ERG: variants seen among roughly 807,000 people sequenced by gnomAD.
ERG encodes transcriptional regulator ERG.
In ERG, 9 loss-of-function variants were observed where a neutral mutation model predicts 55.3. The ratio of observed to expected loss-of-function variants is 0.16; its 90% CI spans 0.10 to 0.28. The LOEUF (loss-of-function observed/expected upper bound fraction) is 0.28, where lower values mean the gene tolerates loss of function less well. Among genes scored for constraint, ERG ranks in the 10% least tolerant of loss-of-function variants. The probability of loss-of-function intolerance (pLI) is 1.00; values close to 1 mark genes in which losing one functional copy is unlikely to be tolerated. For missense variants in ERG, 434 were observed against 631.6 expected (o/e 0.69, Z 3.35); for synonymous variants, 223 against 237.3 (o/e 0.94, Z 0.55).
chr21:38,417,099 C>T (rs1989314231), intron 3 of ERG, among the ~76,000 whole-genome samples: 1 of 152,226 alleles, frequency 6.6e-6, no homozygotes, highest in South Asian at 2.1e-4. Flanking sequence ...ATGGGTGGGT[C>T]TTAGCTACTT....
chr21:38,444,957 T>G (rs2058876187), intron 2 of ERG, among the ~76,000 whole-genome samples: 1 of 151,964 alleles, frequency 6.6e-6, no homozygotes. Context: ...TGGGCAAGGC[T>G]CCCCTCCCAC....
intron 5 of ERG, among the ~76,000 whole-genome samples, chr21:38,401,331 C>T (rs1411424860): frequency 6.6e-6 from 1 of 152,160 alleles, no homozygotes; most frequent in Non-Finnish European, 1.5e-5. Context: ...ATGTGCATAG[C>T]TCAAAGGTGT....
At chr21:38,438,154 A>T (rs7283535) in intron 2 of ERG, among the ~76,000 whole-genome samples, 4 of 152,120 alleles carry the variant, frequency 2.6e-5, no homozygotes, top group Non-Finnish European at 5.9e-5. Flanking sequence ...AATCACGGGC[A>T]TTCTCCCTCA....
chr21:38,471,413 T>C (rs2059138077), intron 1 of ERG: 1 of 152,210 alleles, frequency 6.6e-6, no homozygotes. Context: ...AATTCAACCT[T>C]CTGTTGAGAA....
chr21:38,600,147 T>C (rs1045598403), intron 1 of ERG, among the ~76,000 whole-genome samples: 1 of 152,096 alleles, frequency 6.6e-6, no homozygotes, highest in African/African-American at 2.4e-5. Flanking sequence ...AGTCTACAGA[T>C]ACAAGGAGAT....
chr21:38,550,896 A>C (rs139565413), intron 2 of ERG, among the ~76,000 whole-genome samples: 1 of 152,370 alleles, frequency 6.6e-6, no homozygotes, highest in Non-Finnish European at 1.5e-5. Context: ...TTGACAGACG[A>C]TTAATGGATT....
chr21:38,370,992 A>T, the ERG span, among the ~76,000 whole-genome samples: 2 of 151,322 alleles, frequency 1.3e-5, no homozygotes, highest in Non-Finnish European at 3.0e-5. Flanking sequence ...GGGTTTCTAG[A>T]TTATCTTGCA....
At chr21:38,577,352 G>C (rs989096931) in intron 1 of ERG, among the ~76,000 whole-genome samples, 1 of 152,108 alleles carries the variant, frequency 6.6e-6, no homozygotes, top group Non-Finnish European at 1.5e-5. Context: ...CAAGATTGGC[G>C]GAGCTTGGCT....
intron 1 of ERG, chr21:38,470,793 T>C (rs2059132292): frequency 6.6e-6 from 1 of 152,234 alleles, no homozygotes; most frequent in Admixed American, 6.5e-5. Flanking sequence ...AAGAGTCTAT[T>C]AACATTGTCA....
chr21:38,437,939 C>T (rs779927916), intron 2 of ERG, among the ~76,000 whole-genome samples: 2 of 152,200 alleles, frequency 1.3e-5, no homozygotes, highest in Non-Finnish European at 2.9e-5. Flanking sequence ...CCTCAAGTCC[C>T]CTAATGATTT....
chr21:38,459,944 C>T (rs1200306360), intron 1 of ERG, among the ~76,000 whole-genome samples: 1 of 152,144 alleles, frequency 6.6e-6, no homozygotes. Context: ...TTTTTCAAGC[C>T]TGATCTCAGG....
At position 38,423,439 on chromosome 21, in the gene ERG, G is replaced by A. The variant is rs772248149; in HGVS notation, c.359C>T (p.Thr120Met). 9.3e-6 allele frequency: 15 copies of A among 1,613,924 alleles called. No homozygotes were observed. Among genetic ancestry groups the A allele is most frequent in the African/African-American group, 2.7e-5 (2 of 74,894 alleles). Residue 120 changes from threonine (T) to methionine (M), a missense_variant, in exon 3 of 10, where the codon ACG becomes ATG. Thr to Met is a moderately conservative substitution (Grantham distance 81, BLOSUM62 -1). Coordinates refer to ENST00000288319, the MANE Select transcript of ERG (RefSeq NM_182918.4). ...TGGCACGATAACTCTGCGCTCGTTC[G>A]TGGTCATGTTTGGGGGTGGCATGTG... Reference protein sequence around the residue: ...EKHMPPPNMTTNERRVIVPAD... With the variant: ...EKHMPPPNMTMNERRVIVPAD...
intron 2 of ERG, among the ~76,000 whole-genome samples, chr21:38,540,972 T>C (rs770085419): frequency 1.3e-5 from 2 of 152,190 alleles, no homozygotes; most frequent in African/African-American, 4.8e-5. Flanking sequence ...GCTTTAGCTC[T>C]GCCTTTGAGC....
At chr21:38,372,368 G>T in the ERG span, among the ~76,000 whole-genome samples, 1 of 151,354 alleles carries the variant, frequency 6.6e-6, no homozygotes, top group Admixed American at 6.6e-5. Flanking sequence ...CTTCCTAATT[G>T]TTTTTATTTG....
At chr21:38,505,702 A>G (rs991653782) in intron 2 of ERG, among the ~76,000 whole-genome samples, 62 of 152,338 alleles carry the variant, frequency 4.1e-4, no homozygotes, top group African/African-American at 1.3e-3. Context: ...GGTGGAGATT[A>G]TTCCAGCCTT....
At chr21:38,569,057 G>A (rs1187327236) in intron 2 of ERG, among the ~76,000 whole-genome samples, 2 of 152,190 alleles carry the variant, frequency 1.3e-5, no homozygotes, top group Non-Finnish European at 2.9e-5. Context: ...CCAGACCCCA[G>A]CAGCAGCTCC....
chr21:38,508,629 C>T (rs1037414489), intron 2 of ERG, among the ~76,000 whole-genome samples: 7 of 152,316 alleles, frequency 4.6e-5, no homozygotes, highest in East Asian at 1.9e-4. Context: ...TGGTTTCACA[C>T]GTACTTATCA....
chr21:38,653,928 T>G (rs2060502923), intron 1 of ERG, among the ~76,000 whole-genome samples: 1 of 152,270 alleles, frequency 6.6e-6, no homozygotes, highest in East Asian at 1.9e-4. Context: ...TTTATATTGA[T>G]GCTAAATGCA....
intron 2 of ERG, among the ~76,000 whole-genome samples, chr21:38,516,965 T>G (rs1284307622): frequency 6.6e-6 from 1 of 151,932 alleles, no homozygotes; most frequent in Non-Finnish European, 1.5e-5. Flanking sequence ...AAAAATCAAC[T>G]CAAGGTAGAT....
Sources: allele counts gnomAD v4.1 joint callset (sites outside exome capture counted in the v4.1 genomes callset), GRCh38; gene constraint gnomAD v4.1.1; transcripts MANE v1.5; gene names NCBI Gene and HGNC (gene_info 2026-07-23, HGNC 2026-07-21).